The following CNTN2 variants were observed in gnomAD, a reference collection of about 807,000 sequenced individuals.
The protein encoded by CNTN2 is contactin 2, also known as contactin-2.
CNTN2 carries 53 observed loss-of-function variants against 117.5 expected under a neutral mutation model. That is an observed-to-expected ratio of 0.45 (90% confidence interval 0.36 to 0.57). CNTN2 has a LOEUF of 0.57. Among genes scored for constraint, CNTN2 ranks in the 20% least tolerant of loss-of-function variants. CNTN2 has a pLI of 0.00. For synonymous variants in CNTN2, 530 were observed against 561.7 expected, an observed-to-expected ratio of 0.94 and a Z score of 0.80; for missense variants, 1,106 against 1,404.3, an observed-to-expected ratio of 0.79 and a Z score of 3.39.
rs1653984704 is a variant in CNTN2 at position 205,061,554 on chromosome 1, C to A, written c.973+134C>A. ...CTGCATGAGCCTGCTTGCCCTAGGA[C>A]TGCACTGAGTCTGGGACCAGAGGAG... On this transcript the variant is annotated intron_variant, in intron 8 of 22. Transcript: ENST00000331830. This position sits in a 1 kb window ranked among gnomAD's most constrained non-coding sequence, Gnocchi z 4.8. The A allele has an allele frequency of 2.7e-6, 3 of 1,094,908 alleles. No individual in the cohort carries two copies. The highest frequency in any genetic ancestry group is 1.6e-5 in the South Asian group (1 of 61,586). The allele number at this position is 1,094,908 out of a possible 1,614,324, so 67.8% of individuals were successfully genotyped here.
rs749504685 is a variant in CNTN2, at chr1:205,072,149, T to C, written c.2731+16T>C. On this transcript the variant is annotated intron_variant, in intron 20 of 22. Coordinates refer to ENST00000331830, the MANE Select transcript of CNTN2 (RefSeq NM_005076.5). ...ATGAAGCCCCGTGAGTCTGTCTGCCTGGGGTGGGGGTAGGGCAATATTTTG... is the reference window on the plus strand; with the variant it reads ...ATGAAGCCCCGTGAGTCTGTCTGCCCGGGGTGGGGGTAGGGCAATATTTTG... 2.2e-5 allele frequency: 35 copies of C among 1,597,204 alleles called. No individual in the cohort carries two copies. Among genetic ancestry groups the C allele is most frequent in the Non-Finnish European group, 3.0e-5 (35 of 1,174,006 alleles).
chr1:205,052,495 C>A (rs2096454570), intron 1 of CNTN2, among the ~76,000 whole-genome samples: 1 of 152,234 alleles, frequency 6.6e-6, no homozygotes, highest in Non-Finnish European at 1.5e-5. Context: ...GCCTGCTGGG[C>A]CCCTTCACCC....
intron 15 of CNTN2, among the ~76,000 whole-genome samples, chr1:205,066,820 C>T (rs1654316533): frequency 6.6e-6 from 1 of 152,078 alleles, no homozygotes; most frequent in Non-Finnish European, 1.5e-5. Context: ...AGAGGAGGCG[C>T]TTGGTCTATG....
Position 205,048,680 on chromosome 1 carries a change from G to A in CNTN2, c.-86-4420G>A, listed in dbSNP as rs574644449. 1.3e-5 allele frequency among the ~76,000 whole-genome samples: 2 copies of A among 152,310 alleles called. No homozygotes were observed. Among genetic ancestry groups the A allele is most frequent in the East Asian group, 3.9e-4 (2 of 5,178 alleles). On this transcript the variant is annotated intron_variant, in intron 1 of 22. Transcript: ENST00000331830. This position sits in a 1 kb window ranked among gnomAD's most constrained non-coding sequence, Gnocchi z 4.1. Reference sequence around the variant, plus strand: ...TCTAGAACGCATAATAGGGCAGATGGTATGGGGAGATGACTGATCGGTGAA... The same window carrying A: ...TCTAGAACGCATAATAGGGCAGATGATATGGGGAGATGACTGATCGGTGAA...
rs186017858 is a variant in CNTN2, at chr1:205,055,038, G to A, written c.70+1783G>A. Among the ~76,000 whole-genome samples the A allele has an allele frequency of 3.3e-3, 502 of 152,096 alleles. 2 individuals carry two copies. Among genetic ancestry groups the A allele is most frequent in the African/African-American group, 0.011 (463 of 41,482 alleles). ...GGGTTTTGTTTTTGTTTTTGAGATG[G>A]AGTCTTACTCTGTTGCCCAGGCTGG... On this transcript the variant is annotated intron_variant, in intron 2 of 22. Transcript: ENST00000331830.
intron 1 of CNTN2, among the ~76,000 whole-genome samples, chr1:205,050,484 C>T (rs1488229135): frequency 6.6e-6 from 1 of 152,142 alleles, no homozygotes; most frequent in Non-Finnish European, 1.5e-5. Flanking sequence ...AACCATACTT[C>T]GAGTATCCAA....
chr1:205,049,665 G>T (rs986846558), intron 1 of CNTN2, among the ~76,000 whole-genome samples: 6 of 152,166 alleles, frequency 3.9e-5, no homozygotes, highest in African/African-American at 1.2e-4. Context: ...CCAGCACCCT[G>T]CCCCCAGTGA....
At chr1:205,055,580 C>T (rs905137522) in intron 2 of CNTN2, among the ~76,000 whole-genome samples, 8 of 152,174 alleles carry the variant, frequency 5.3e-5, no homozygotes, top group Non-Finnish European at 1.0e-4. Context: ...TCTCCTGAGC[C>T]TCACTCCAAG....
Position 205,061,263 on chromosome 1 carries a change from G to C in CNTN2, c.816G>C (p.Lys272Asn), listed in dbSNP as rs1239558983. 6.2e-7 allele frequency: 1 copy of C among 1,611,680 alleles called. No individual in the cohort carries two copies. The highest frequency in any genetic ancestry group is 8.5e-7 in the Non-Finnish European group (1 of 1,178,138). The change falls in exon 8 of 23, where the codon AAG becomes AAC. Residue 272 changes from lysine (K) to asparagine (N), a missense_variant. By Grantham distance (94) the Lys-to-Asn change is moderately conservative. Coordinates refer to ENST00000331830, the MANE Select transcript of CNTN2 (RefSeq NM_005076.5). This position sits in a 1 kb window ranked among gnomAD's most constrained non-coding sequence, Gnocchi z 4.8. ...CTGCCAGCCCTGTCCCCCGGATCAAGTGGCGCAAAGTGGACGGCTCCCTGT... is the reference window on the plus strand; with the variant it reads ...CTGCCAGCCCTGTCCCCCGGATCAACTGGCGCAAAGTGGACGGCTCCCTGT... Reference protein sequence around the residue: ...FAFGNPVPRIKWRKVDGSLSP... With the variant: ...FAFGNPVPRINWRKVDGSLSP...
In CNTN2 at chr1:205,062,593, G is replaced by A. The variant is rs372644641; in HGVS notation, c.1240+24G>A. On this transcript the variant is annotated intron_variant, in intron 10 of 22. Coordinates refer to ENST00000331830, the MANE Select transcript of CNTN2 (RefSeq NM_005076.5). ...AGGTAAGGGGCCCAGGGAGGCAGGG[G>A]ACATCCCAAGGACATGCATATGGTG... The A allele has an allele frequency of 6.2e-6, 10 of 1,605,544 alleles. No homozygotes were observed. In the African/African-American group the frequency reaches 1.2e-4, roughly 19 times the overall value.
rs1654264584 is a variant in CNTN2, at chr1:205,065,902, G to C, written c.1809G>C (p.Leu603=). ...VDSASKEATV[L]VRGPPGPPGG... The stretch of plus-strand genomic sequence containing the variant: ...GCGCGTCCAAGGAGGCCACAGTCCT[G>C]GTCCGAGGTGAGGGGTTTCCCACCT... Residue 603 remains leucine (L), a synonymous_variant, in exon 14 of 23, where the codon CTG becomes CTC. Transcript: ENST00000331830. This position sits in a 1 kb window ranked among gnomAD's most constrained non-coding sequence, Gnocchi z 4.1. 1.2e-6 allele frequency: 2 copies of C among 1,611,308 alleles called. No individual in the cohort carries two copies. Among genetic ancestry groups the C allele is most frequent in the East Asian group, 4.5e-5 (2 of 44,842 alleles).
At chr1:205,046,441 C>T (rs1049602119) in intron 1 of CNTN2, among the ~76,000 whole-genome samples, 1 of 152,206 alleles carries the variant, frequency 6.6e-6, no homozygotes, top group African/African-American at 2.4e-5. Context: ...GTGCCTGCCA[C>T]CCTGAACACC....
rs1354092013 is a variant in CNTN2, at chr1:205,073,155, G to A, written c.2932G>A (p.Gly978Ser). ...AGAAATCCCAGTGCCTGAAGACATT[G>A]GCCATGCCCTGGTACAAATTCGGAC... The part of the protein sequence containing the change: ...WIEIPVPEDI[G>S]HALVQIRTTG... The change falls in exon 22 of 23, where the codon GGC becomes AGC. Residue 978 changes from glycine (G) to serine (S), a missense_variant. Coordinates refer to ENST00000331830, the MANE Select transcript of CNTN2 (RefSeq NM_005076.5). The surrounding 1 kb of genome is among the most constrained non-coding windows in gnomAD (Gnocchi z 6.3). The A allele has an allele frequency of 6.2e-7, 1 of 1,614,136 alleles. No individual in the cohort carries two copies. Among genetic ancestry groups the A allele is most frequent in the Admixed American group, 1.7e-5 (1 of 60,028 alleles).
At chr1:205,050,086 A>C (rs2096449735) in intron 1 of CNTN2, among the ~76,000 whole-genome samples, 1 of 152,260 alleles carries the variant, frequency 6.6e-6, no homozygotes. Flanking sequence ...CACAAGGGGC[A>C]TTAACCTATC....
chr1:205,063,169 T>C (rs1339837529), intron 10 of CNTN2: 1 of 152,244 alleles, frequency 6.6e-6, no homozygotes. Context: ...CATTCATTCG[T>C]TCCTTCATCC....
At position 205,069,915 on chromosome 1, in the gene CNTN2, G is replaced by A. The variant is rs766016860; in HGVS notation, c.2285G>A (p.Arg762Gln). 12 of 1,613,694 alleles carry A rather than the reference G, an allele frequency of 7.4e-6. No homozygotes were observed. The Admixed American group carries it at 1.0e-4, about 13-fold the overall frequency. ...RQGSTHWQTA[R>Q]VPGADAQYFV... ...GGCAGCACTCACTGGCAGACCGCCCGGGTGCCTGGCGCCGATGCCCAGTAC... is the reference window on the plus strand; with the variant it reads ...GGCAGCACTCACTGGCAGACCGCCCAGGTGCCTGGCGCCGATGCCCAGTAC... Residue 762 changes from arginine (R) to glutamine (Q), a missense_variant, in exon 18 of 23, where the codon CGG (arginine) becomes CAG (glutamine). Arg to Gln is a conservative substitution (Grantham distance 43). Transcript: ENST00000331830.
Position 205,064,377 on chromosome 1 carries a change from CG to C in CNTN2, c.1301del (p.Gly434GlufsTer32). Reference sequence around the variant, plus strand: ...TGAGGCGTCTGATCCCCGCGGCCCGCGGGGGAGAGATCCTTATCCCCTGCCA... The same window carrying C: ...TGAGGCGTCTGATCCCCGCGGCCCGCGGGGAGAGATCCTTATCCCCTGCCA... ...PVRRLIPAAR[G>X]GEILIPCQPR... On this transcript the variant is annotated frameshift_variant, in exon 11 of 23. Transcript: ENST00000331830. LOFTEE classifies it high-confidence loss of function. 6.2e-7 allele frequency: 1 copy of C among 1,609,728 alleles called. No homozygotes were observed. Among genetic ancestry groups the C allele is most frequent in the Non-Finnish European group, 8.5e-7 (1 of 1,176,434 alleles).
intron 21 of CNTN2, 169 bp from the exon 22 acceptor site, chr1:205,072,899 C>G: frequency 2.7e-6 from 2 of 730,478 alleles, no homozygotes; most frequent in Non-Finnish European, 4.5e-6. Flanking sequence ...CAGTGGCCTG[C>G]AAGCTTTCCT....
chr1:205,058,831 T>C lies in CNTN2; in HGVS notation c.487+168T>C. 1 of 677,926 alleles carries C rather than the reference T, an allele frequency of 1.5e-6. No individual in the cohort carries two copies. Among genetic ancestry groups the C allele is most frequent in the Non-Finnish European group, 2.5e-6 (1 of 405,212 alleles). 42.0% of individuals were successfully genotyped at this position (677,926 alleles called of 1,614,324 possible). On this transcript the variant is annotated intron_variant, in intron 5 of 22. Coordinates refer to ENST00000331830, the MANE Select transcript of CNTN2 (RefSeq NM_005076.5). This position sits in a 1 kb window ranked among gnomAD's most constrained non-coding sequence, Gnocchi z 4.3. ...TGTGTTTCCTTTATAGGTCTGTCAC[T>C]TTCCATCGTTGTGCCCTGCTTCCGC... is the stretch of plus-strand genomic sequence containing the variant.
Sources: allele counts gnomAD v4.1 joint callset (sites outside exome capture counted in the v4.1 genomes callset), GRCh38; gene constraint gnomAD v4.1.1; non-coding constraint Gnocchi (gnomAD v3.1); transcripts MANE v1.5; gene names NCBI Gene and HGNC (gene_info 2026-07-23, HGNC 2026-07-21).